SMAGP: variants seen among roughly 807,000 people sequenced by gnomAD.
SMAGP encodes small cell adhesion glycoprotein.
In SMAGP, 7 loss-of-function variants were observed where a neutral mutation model predicts 10.1. The ratio of observed to expected loss-of-function variants is 0.70; its 90% CI spans 0.40 to 1.31. The LOEUF is 1.31. SMAGP is among the 50% of genes most tolerant of loss of function. SMAGP has a pLI of 0.01. For missense variants in SMAGP, 113 were observed against 116.5 expected, an observed-to-expected ratio of 0.97 and a Z score of 0.14; for synonymous variants, 49 against 47.2, an observed-to-expected ratio of 1.04 and a Z score of -0.16.
At chr12:51,246,892 GT>G (rs1944781267) in intron 2 of SMAGP, 61 bp from the exon 3 acceptor site, 1 of 1,335,644 alleles carries the variant, frequency 7.5e-7, no homozygotes, top group South Asian at 1.5e-5. Context: ...GAAAGCATAT[GT>G]TTGGCCTTCA....
At chr12:51,263,907 G>A (rs890069841) in intron 2 of SMAGP, among the ~76,000 whole-genome samples, 20 of 151,924 alleles carry the variant, frequency 1.3e-4, no homozygotes, top group African/African-American at 4.8e-4. Context: ...AAATATTAAG[G>A]TTGTTATGCC....
intron 2 of SMAGP, among the ~76,000 whole-genome samples, chr12:51,258,117 T>C (rs914176657): frequency 2.6e-4 from 39 of 152,104 alleles, no homozygotes; most frequent in African/African-American, 8.9e-4. Context: ...CAGTGAGCTA[T>C]GATTGTGCCA....
At chr12:51,251,938 G>GA (rs1415316581) in intron 2 of SMAGP, among the ~76,000 whole-genome samples, 14 of 152,144 alleles carry the variant, frequency 9.2e-5, no homozygotes, top group Non-Finnish European at 2.9e-5. Context: ...AAGACCTTAA[G>GA]AAAAAAATTC....
intron 1 of SMAGP, chr12:51,269,936 C>T (rs998394257): frequency 6.6e-6 from 1 of 152,064 alleles, no homozygotes; most frequent in African/African-American, 2.4e-5. Context: ...CCCCAGCCCG[C>T]GCCCCGCGCC....
At chr12:51,265,513 T>C (rs970991501) in intron 2 of SMAGP, among the ~76,000 whole-genome samples, 1 of 152,200 alleles carries the variant, frequency 6.6e-6, no homozygotes, top group Non-Finnish European at 1.5e-5. Context: ...AATATACACA[T>C]ACAACAATAT....
At chr12:51,247,276 A>G (rs189863891) in intron 2 of SMAGP, among the ~76,000 whole-genome samples, 2 of 152,344 alleles carry the variant, frequency 1.3e-5, no homozygotes, top group Admixed American at 6.5e-5. Flanking sequence ...AATGAGTTGT[A>G]TGTGTATATA....
chr12:51,249,201 T>C (rs1226119295), intron 2 of SMAGP, among the ~76,000 whole-genome samples: 1 of 152,158 alleles, frequency 6.6e-6, no homozygotes, highest in Non-Finnish European at 1.5e-5. Flanking sequence ...ACCCTACACA[T>C]GTCCTCATTT....
In SMAGP at chr12:51,265,503, A is replaced by G. The variant is rs139260078; in HGVS notation, c.34+3742T>C. On this transcript the variant is annotated intron_variant, in intron 2 of 3. Transcript: ENST00000603798. ...ATAGATGAATGGATAAACAAAATGT[A>G]ATATACACATACAACAATATTATTC... 4.3e-3 allele frequency among the ~76,000 whole-genome samples: 651 copies of G among 152,354 alleles called. 8 individuals are homozygous for G. The highest frequency in any genetic ancestry group is 0.015 in the African/African-American group (606 of 41,578).
intron 2 of SMAGP, among the ~76,000 whole-genome samples, chr12:51,265,570 A>G (rs1260660859): frequency 6.6e-6 from 1 of 152,226 alleles, no homozygotes; most frequent in Non-Finnish European, 1.5e-5. Context: ...TACAATATGG[A>G]TGAACTTTGA....
intron 2 of SMAGP, among the ~76,000 whole-genome samples, chr12:51,253,871 A>C (rs1944863250): frequency 6.7e-6 from 1 of 149,480 alleles, no homozygotes; most frequent in Non-Finnish European, 1.5e-5. Context: ...ATGCCACTGC[A>C]CTCCAGCCCA....
intron 2 of SMAGP, among the ~76,000 whole-genome samples, chr12:51,248,432 A>ACT (rs1944803204): frequency 2.1e-4 from 10 of 48,770 alleles, no homozygotes; most frequent in Admixed American, 5.3e-4. Flanking sequence ...ACACACACAC[A>ACT]CACTCTCTCT....
At chr12:51,253,893 G>A (rs569450258) in intron 2 of SMAGP, among the ~76,000 whole-genome samples, 4 of 152,246 alleles carry the variant, frequency 2.6e-5, no homozygotes, top group East Asian at 1.9e-4. Flanking sequence ...GCGAAAGAGC[G>A]AGACTCTGTC....
chr12:51,252,238 C>T (rs937334443), intron 2 of SMAGP, among the ~76,000 whole-genome samples: 7 of 148,790 alleles, frequency 4.7e-5, no homozygotes, highest in African/African-American at 7.5e-5. Context: ...GGACTACAGG[C>T]GCATGTCACC....
chr12:51,266,041 T>TA (rs1944971425), intron 2 of SMAGP, among the ~76,000 whole-genome samples: 1 of 151,414 alleles, frequency 6.6e-6, no homozygotes, highest in East Asian at 1.9e-4. Flanking sequence ...GAGATGGCGC[T>TA]ACTGCACTCC....
chr12:51,245,842 T>C lies in SMAGP; in HGVS notation c.*99A>G. The C allele has an allele frequency of 7.2e-7, 1 of 1,385,676 alleles. No individual in the cohort carries two copies. 85.8% of individuals were successfully genotyped at this position (1,385,676 alleles called of 1,614,324 possible). A position where few individuals can be genotyped will look rare whatever the true frequency, so the allele number is the denominator to read the frequency against. On this transcript the variant is annotated 3_prime_UTR_variant, in exon 4 of 4. Transcript: ENST00000603798. The stretch of plus-strand genomic sequence containing the variant: ...TGGAGCTTGGATTTGCCCACATCAA[T>C]CAATGCTTCTCCCTGGCTTCAGAGA...
Position 51,250,129 on chromosome 12 carries a change from G to A in SMAGP, c.35-3298C>T, listed in dbSNP as rs1456303865. Among the ~76,000 whole-genome samples, 4 of 150,920 alleles carry A rather than the reference G, an allele frequency of 2.7e-5. 1 individual carries two copies. The highest frequency in any genetic ancestry group is 5.9e-5 in the Non-Finnish European group (4 of 67,842). Reference sequence around the variant, plus strand: ...TCATGCCTGTAATCCCAGCACTTTGGGAGACCAAGGTGGGAAGATCGCTTG... The same window carrying A: ...TCATGCCTGTAATCCCAGCACTTTGAGAGACCAAGGTGGGAAGATCGCTTG... On this transcript the variant is annotated intron_variant, in intron 2 of 3. Coordinates refer to ENST00000603798, the MANE Select transcript of SMAGP (RefSeq NM_001031628.2).
At chr12:51,263,999 A>T (rs1877260) in intron 2 of SMAGP, among the ~76,000 whole-genome samples, 102,457 of 151,912 alleles carry the variant, frequency 0.67, 38,139 homozygotes, top group Non-Finnish European at 0.85. Context: ...ATGATTTTTA[A>T]TATTTTTTTA....
chr12:51,252,095 A>ATTTT (rs34168199), intron 2 of SMAGP, among the ~76,000 whole-genome samples: 1 of 145,868 alleles, frequency 6.9e-6, no homozygotes. Context: ...TCTACATCAG[A>ATTTT]TTTTTTTTTT....
intron 2 of SMAGP, among the ~76,000 whole-genome samples, chr12:51,249,401 T>C (rs1035345167): frequency 6.6e-6 from 1 of 152,098 alleles, no homozygotes; most frequent in Non-Finnish European, 1.5e-5. Flanking sequence ...AGCTGCAGCC[T>C]TGGGGGCCCA....
Sources: gnomAD v4.1 joint callset for allele counts (sites outside exome capture counted in the v4.1 genomes callset) on GRCh38, gnomAD v4.1.1 for gene constraint, MANE v1.5 for transcripts, NCBI Gene and HGNC (gene_info 2026-07-23, HGNC 2026-07-21) for gene names.